PEBP4: variants seen among roughly 807,000 people sequenced by gnomAD.
PEBP4 encodes the protein phosphatidylethanolamine-binding protein 4.
PEBP4 carries 22 observed loss-of-function variants against 23.9 expected under a neutral mutation model. That is an observed-to-expected ratio of 0.92 (90% CI 0.66 to 1.31). PEBP4 has a LOEUF of 1.31. Ranked by LOEUF, PEBP4 falls within the 40% of genes most tolerant of loss-of-function variation. The pLI, the probability that PEBP4 is intolerant of heterozygous loss-of-function variation, is 0.00. For synonymous variants in PEBP4, 112 were observed against 99.3 expected (o/e 1.13, Z -0.76); for missense variants, 324 against 281.7 (o/e 1.15, Z -1.07).
chr8:22,939,401 G>A (rs896493435), intron 1 of PEBP4, among the ~76,000 whole-genome samples: 2 of 151,998 alleles, frequency 1.3e-5, no homozygotes, highest in African/African-American at 4.8e-5. Flanking sequence ...CATAAAGGAA[G>A]AACAATGAAG....
chr8:22,902,386 C>T (rs1009773663), intron 3 of PEBP4, among the ~76,000 whole-genome samples: 2 of 152,160 alleles, frequency 1.3e-5, no homozygotes, highest in Admixed American at 6.5e-5. Flanking sequence ...TAACTCCAAC[C>T]CCCATGTCAT....
rs912601156 is a variant in PEBP4 at position 22,775,004 on chromosome 8, G to C, written c.357+42633C>G. Among the ~76,000 whole-genome samples, 2 of 152,332 alleles carry C rather than the reference G, an allele frequency of 1.3e-5. No individual in the cohort carries two copies. The highest frequency in any genetic ancestry group is 6.5e-5 in the Admixed American group (1 of 15,302). Reference sequence around the variant, plus strand: ...CTCCTGGGTGACACCATCCTGGAGAGATGCCACAGGCCAAGGGGCAAAGTG... The same window carrying C: ...CTCCTGGGTGACACCATCCTGGAGACATGCCACAGGCCAAGGGGCAAAGTG... On this transcript the variant is annotated intron_variant, in intron 4 of 6. Transcript: ENST00000256404. The surrounding 1 kb of genome is among the most constrained non-coding windows in gnomAD (Gnocchi z 4.8).
At chr8:22,824,000 A>C (rs527564149) in intron 3 of PEBP4, among the ~76,000 whole-genome samples, 4 of 152,176 alleles carry the variant, frequency 2.6e-5, no homozygotes, top group Non-Finnish European at 5.9e-5. Flanking sequence ...ATGTAGAAAC[A>C]ATGGGTAGAT....
intron 3 of PEBP4, among the ~76,000 whole-genome samples, chr8:22,818,962 T>C (rs758364487): frequency 6.6e-6 from 1 of 151,998 alleles, no homozygotes; most frequent in Non-Finnish European, 1.5e-5. Flanking sequence ...AAATAAGACT[T>C]GGAGAGGAGG....
At chr8:22,789,255 T>A (rs1286607728) in intron 4 of PEBP4, among the ~76,000 whole-genome samples, 1 of 152,130 alleles carries the variant, frequency 6.6e-6, no homozygotes, top group Non-Finnish European at 1.5e-5. Context: ...AGGCTGTCAG[T>A]GAGTCAAGGA....
At chr8:22,767,204 A>G (rs984970652) in intron 4 of PEBP4, among the ~76,000 whole-genome samples, 3 of 152,244 alleles carry the variant, frequency 2.0e-5, no homozygotes, top group Admixed American at 6.5e-5. Context: ...GGGTAAAGAT[A>G]TTTTGGGGGC....
chr8:22,816,647 C>T (rs1174490934), intron 4 of PEBP4, among the ~76,000 whole-genome samples: 1 of 152,308 alleles, frequency 6.6e-6, no homozygotes, highest in African/African-American at 2.4e-5. Context: ...CCAGAGGAGC[C>T]GACAGAGGTC....
chr8:22,848,326 G>A (rs1807482054), intron 3 of PEBP4, among the ~76,000 whole-genome samples: 1 of 152,170 alleles, frequency 6.6e-6, no homozygotes. Flanking sequence ...TGAGGAGTAG[G>A]GAGGCAGGGG....
At chr8:22,907,440 A>G (rs771052051) in intron 3 of PEBP4, among the ~76,000 whole-genome samples, 4 of 152,112 alleles carry the variant, frequency 2.6e-5, no homozygotes, top group Non-Finnish European at 5.9e-5. Context: ...TGAACCCGGG[A>G]GGCAGAAGTT....
chr8:22,862,829 G>A (rs1035875178), intron 3 of PEBP4, among the ~76,000 whole-genome samples: 2 of 139,584 alleles, frequency 1.4e-5, no homozygotes, highest in African/African-American at 2.7e-5. Flanking sequence ...GAGACGGAGT[G>A]TCGCTCTGTC....
intron 3 of PEBP4, among the ~76,000 whole-genome samples, chr8:22,819,599 G>GC (rs1563227049): frequency 6.6e-6 from 1 of 151,442 alleles, no homozygotes; most frequent in Non-Finnish European, 1.5e-5. Context: ...GATTGTTTTT[G>GC]TTTTTTTGTT....
chr8:22,751,102 G>A (rs943405478), intron 4 of PEBP4, among the ~76,000 whole-genome samples: 5 of 152,176 alleles, frequency 3.3e-5, no homozygotes, highest in Non-Finnish European at 7.3e-5. Context: ...GAAACTTGTG[G>A]TAAGACTCAG....
intron 3 of PEBP4, among the ~76,000 whole-genome samples, chr8:22,855,008 A>G (rs142927471): frequency 0.17 from 4,277 of 24,586 alleles, 143 homozygotes; most frequent in East Asian, 0.3. Flanking sequence ...ACGCACACAC[A>G]CACACACACA....
At chr8:22,821,266 C>CA in intron 3 of PEBP4, among the ~76,000 whole-genome samples, 1 of 152,066 alleles carries the variant, frequency 6.6e-6, no homozygotes, top group South Asian at 2.1e-4. Flanking sequence ...AAAAGCAGAG[C>CA]AAAAAATCCA....
intron 4 of PEBP4, among the ~76,000 whole-genome samples, chr8:22,780,806 G>T: frequency 6.6e-6 from 1 of 152,186 alleles, no homozygotes; most frequent in East Asian, 1.9e-4. Flanking sequence ...TTCTGTAAAA[G>T]GATGAGAAAG....
chr8:22,881,983 G>A (rs1295278222), intron 3 of PEBP4, among the ~76,000 whole-genome samples: 1 of 152,134 alleles, frequency 6.6e-6, no homozygotes, highest in Non-Finnish European at 1.5e-5. Context: ...TTGAATCACT[G>A]CCATCCCTGG....
chr8:22,805,795 TAA>T (rs1554487541), intron 4 of PEBP4, among the ~76,000 whole-genome samples: 1 of 151,642 alleles, frequency 6.6e-6, no homozygotes, highest in Non-Finnish European at 1.5e-5. Context: ...TATTTTTTTT[TAA>T]AAAAAAGGGA....
At chr8:22,742,718 C>T (rs760167044) in intron 4 of PEBP4, among the ~76,000 whole-genome samples, 10 of 152,172 alleles carry the variant, frequency 6.6e-5, no homozygotes, top group Admixed American at 2.0e-4. Flanking sequence ...ACCTGATCAT[C>T]GCCTTGTGGA....
chr8:22,776,380 C>G (rs919087795), intron 4 of PEBP4, among the ~76,000 whole-genome samples: 5 of 152,118 alleles, frequency 3.3e-5, no homozygotes, highest in African/African-American at 9.7e-5. Context: ...TTTGGTCTTT[C>G]AACAGTAAAA....
Sources: gnomAD v4.1 joint callset for allele counts (sites outside exome capture counted in the v4.1 genomes callset) on GRCh38, gnomAD v4.1.1 for gene constraint, Gnocchi (gnomAD v3.1) non-coding constraint, MANE v1.5 for transcripts, NCBI Gene and HGNC (gene_info 2026-07-23, HGNC 2026-07-21) for gene names.